PTPRD: variants seen among roughly 807,000 people sequenced by gnomAD.
PTPRD encodes receptor-type tyrosine-protein phosphatase delta.
Under a neutral mutation model 214.5 loss-of-function variants are expected in PTPRD, and 34 were observed. The ratio of observed to expected loss-of-function variants is 0.16; its 90% confidence interval spans 0.12 to 0.21. The LOEUF is 0.21. PTPRD is among the 10% of genes least tolerant of loss of function. The probability of loss-of-function intolerance (pLI) is 1.00; values close to 1 mark genes in which losing one functional copy is unlikely to be tolerated. For synonymous variants in PTPRD, 1,128 were observed against 845.7 expected, an observed-to-expected ratio of 1.33 and a Z score of -5.79; for missense variants, 2,545 against 2,398.7, an observed-to-expected ratio of 1.06 and a Z score of -1.27.
intron 4 of PTPRD, among the ~76,000 whole-genome samples, chr9:9,944,175 G>A (rs887081011): frequency 1.3e-5 from 2 of 152,182 alleles, no homozygotes; most frequent in Middle Eastern, 3.4e-3. Flanking sequence ...CATCTTTCCT[G>A]TTTGCCCATT....
chr9:10,246,532 C>T lies in PTPRD; in HGVS notation c.-545+94431G>A, dbSNP rs541938971. On this transcript the variant is annotated intron_variant, in intron 3 of 45. Transcript: ENST00000381196. ...GTCCTGGGGGTGCGGTGTGAGCCAC[C>T]GCACCTGGCCAAGATACATGTTTTA... Among the ~76,000 whole-genome samples, 36 of 152,242 alleles carry T rather than the reference C, an allele frequency of 2.4e-4. 1 individual carries two copies. In the South Asian group the frequency reaches 6.4e-3, roughly 27 times the overall value.
intron 5 of PTPRD, among the ~76,000 whole-genome samples, chr9:9,863,202 G>A (rs1653471741): frequency 6.6e-6 from 1 of 152,142 alleles, no homozygotes; most frequent in Non-Finnish European, 1.5e-5. Flanking sequence ...GAAGTCCACT[G>A]CAAATTCTAA....
chr9:9,160,428 A>G (rs535024088), intron 10 of PTPRD, among the ~76,000 whole-genome samples: 1 of 152,312 alleles, frequency 6.6e-6, no homozygotes, highest in East Asian at 1.9e-4. Context: ...GGTACATTTA[A>G]AAAATGCTCA....
intron 32 of PTPRD, among the ~76,000 whole-genome samples, chr9:8,463,206 G>A (rs950732888): frequency 2.0e-5 from 3 of 147,416 alleles, no homozygotes; most frequent in African/African-American, 5.0e-5. Flanking sequence ...TCTCATTTTC[G>A]TCATTGTGCC....
At chr9:10,088,097 A>G (rs1329997658) in intron 3 of PTPRD, among the ~76,000 whole-genome samples, 1 of 151,738 alleles carries the variant, frequency 6.6e-6, no homozygotes, top group Non-Finnish European at 1.5e-5. Context: ...TATTCAACTA[A>G]TATTTATTGT....
intron 3 of PTPRD, among the ~76,000 whole-genome samples, chr9:10,087,564 T>C (rs961557117): frequency 1.3e-5 from 2 of 151,624 alleles, no homozygotes; most frequent in African/African-American, 4.8e-5. Context: ...AGAAATCTGG[T>C]AACACTAAGA....
intron 2 of PTPRD, among the ~76,000 whole-genome samples, chr9:10,444,137 T>A (rs2098781733): frequency 6.6e-6 from 1 of 151,698 alleles, no homozygotes; most frequent in Admixed American, 6.6e-5. Flanking sequence ...AGAAGCCAAA[T>A]AAAAACCAAT....
intron 3 of PTPRD, among the ~76,000 whole-genome samples, chr9:10,069,941 C>G (rs898656726): frequency 6.6e-6 from 1 of 151,864 alleles, no homozygotes; most frequent in African/African-American, 2.4e-5. Context: ...ATAAATGATG[C>G]TCTAGGATAC....
At chr9:8,847,248 TA>T (rs1275279921) in intron 11 of PTPRD, among the ~76,000 whole-genome samples, 1 of 151,700 alleles carries the variant, frequency 6.6e-6, no homozygotes, top group East Asian at 1.9e-4. Context: ...AAAATAAACA[TA>T]AGCAGTCCTT....
chr9:8,722,230 A>C (rs1265265281), intron 12 of PTPRD, among the ~76,000 whole-genome samples: 1 of 151,710 alleles, frequency 6.6e-6, no homozygotes, highest in East Asian at 1.9e-4. Flanking sequence ...ATCTCATTTA[A>C]ACTTCACAGG....
intron 11 of PTPRD, among the ~76,000 whole-genome samples, chr9:8,760,600 G>C (rs1012987529): frequency 2.2e-5 from 3 of 135,240 alleles, no homozygotes; most frequent in African/African-American, 5.4e-5. Flanking sequence ...CTCTCTGTCT[G>C]TGTGTGTGTG....
intron 7 of PTPRD, among the ~76,000 whole-genome samples, chr9:9,655,955 G>A (rs902712484): frequency 2.6e-5 from 4 of 152,090 alleles, no homozygotes; most frequent in Non-Finnish European, 1.5e-5. Context: ...TCCAGCGGGG[G>A]CAACACAGTG....
At chr9:10,465,324 C>T (rs957789630) in intron 2 of PTPRD, among the ~76,000 whole-genome samples, 3 of 152,002 alleles carry the variant, frequency 2.0e-5, no homozygotes, top group Admixed American at 6.6e-5. Context: ...GATAACTCCC[C>T]TGCGCAAAAA....
intron 11 of PTPRD, among the ~76,000 whole-genome samples, chr9:8,887,551 A>C (rs184689110): frequency 7.8e-4 from 119 of 152,286 alleles, no homozygotes; most frequent in African/African-American, 2.6e-3. Flanking sequence ...GCAAACATCA[A>C]TGTGTCATAA....
At chr9:10,592,457 A>G (rs1050399878) in intron 2 of PTPRD, among the ~76,000 whole-genome samples, 2 of 152,008 alleles carry the variant, frequency 1.3e-5, no homozygotes, top group African/African-American at 4.8e-5. Context: ...GAAGGACAGA[A>G]CATTACAGTA....
intron 35 of PTPRD, among the ~76,000 whole-genome samples, chr9:8,421,207 A>T (rs1535673): frequency 6.6e-6 from 1 of 152,182 alleles, no homozygotes; most frequent in African/African-American, 2.4e-5. Flanking sequence ...AGCAAACTAG[A>T]CTCCTCCTTC....
intron 5 of PTPRD, among the ~76,000 whole-genome samples, chr9:9,908,633 C>T (rs184353073): frequency 1.2e-4 from 18 of 152,050 alleles, no homozygotes; most frequent in Non-Finnish European, 1.8e-4. Flanking sequence ...TCTATGCAGT[C>T]TTTAAAATAT....
Position 10,059,293 on chromosome 9 carries a change from A to T in PTPRD, c.-544-25503T>A, listed in dbSNP as rs201988768. ...ATTTACAACTTCCATGTTGCGCAATACTCATGGGCTTCTCCTCAAGGATTT... is the reference window on the plus strand; with the variant it reads ...ATTTACAACTTCCATGTTGCGCAATTCTCATGGGCTTCTCCTCAAGGATTT... On this transcript the variant is annotated intron_variant, in intron 3 of 45. Transcript: ENST00000381196. Among the ~76,000 whole-genome samples, 16 of 152,258 alleles carry T rather than the reference A, an allele frequency of 1.1e-4. No homozygotes were observed. In the East Asian group the frequency reaches 2.3e-3, roughly 22 times the overall value.
At chr9:9,940,004 G>T (rs1339763163) in intron 4 of PTPRD, among the ~76,000 whole-genome samples, 1 of 152,168 alleles carries the variant, frequency 6.6e-6, no homozygotes, top group African/African-American at 2.4e-5. Flanking sequence ...CTTGTGCCAG[G>T]TGAAAACAGA....
Sources: gnomAD v4.1 joint callset for allele counts (sites outside exome capture counted in the v4.1 genomes callset) on GRCh38, gnomAD v4.1.1 for gene constraint, MANE v1.5 for transcripts, NCBI Gene and HGNC (gene_info 2026-07-23, HGNC 2026-07-21) for gene names.